EXT1: variants seen among roughly 807,000 people sequenced by gnomAD.
The protein encoded by EXT1 is exostosin glycosyltransferase 1.
EXT1 carries 20 observed loss-of-function variants against 82.5 expected under a neutral mutation model. The ratio of observed to expected loss-of-function variants is 0.24; its 90% CI spans 0.17 to 0.35. The LOEUF (loss-of-function observed/expected upper bound fraction) is 0.35. EXT1 is among the 10% of genes least tolerant of loss of function. The pLI, the probability that EXT1 is intolerant of heterozygous loss-of-function variation, is 1.00. For synonymous variants in EXT1, 348 were observed against 350.8 expected, an observed-to-expected ratio of 0.99 and a Z score of 0.09; for missense variants, 757 against 936.5, an observed-to-expected ratio of 0.81 and a Z score of 2.50.
At position 117,858,791 on chromosome 8, in the gene EXT1, A is replaced by AGGCC. The variant is rs1554581729; in HGVS notation, c.963-21591_963-21590insGGCC. Among the ~76,000 whole-genome samples, 25 of 58,492 alleles carry AGGCC rather than the reference A, an allele frequency of 4.3e-4. 1 individual carries two copies. The highest frequency in any genetic ancestry group is 1.1e-3 in the South Asian group (2 of 1,810). 38.4% of individuals were successfully genotyped at this position (58,492 alleles called of 152,430 possible). On this transcript the variant is annotated intron_variant, in intron 1 of 10. Transcript: ENST00000378204. ...AAGGCAGGCAGGCAGGCAGGCAGGC[A>AGGCC]AGGCAAGGCAAGGCAAGGCAGGAAG...
rs563023552 is a variant in EXT1, at chr8:117,897,393, T to C, written c.963-60192A>G. ...GAGTGGAAGTGCCAAAGTGGGTTTA[T>C]CTTTACTGCAGGTCTCCTGTGTGCT... On this transcript the variant is annotated intron_variant, in intron 1 of 10. Coordinates refer to ENST00000378204, the MANE Select transcript of EXT1 (RefSeq NM_000127.3). 3.3e-5 allele frequency among the ~76,000 whole-genome samples: 5 copies of C among 152,260 alleles called. No homozygotes were observed. The South Asian group carries it at 1.0e-3, about 32-fold the overall frequency.
At chr8:117,965,777 A>T (rs938341986) in intron 1 of EXT1, among the ~76,000 whole-genome samples, 13 of 152,194 alleles carry the variant, frequency 8.5e-5, no homozygotes, top group African/African-American at 2.4e-4. Flanking sequence ...ATTAGAAAAA[A>T]TAATGAGTTT....
rs1021488216 is a variant in EXT1 at position 118,099,561 on chromosome 8, C to T, written c.962+10524G>A. Among the ~76,000 whole-genome samples the T allele has an allele frequency of 5.9e-5, 9 of 152,250 alleles. No homozygotes were observed. In the East Asian group the frequency reaches 7.7e-4, roughly 13 times the overall value. The stretch of plus-strand genomic sequence containing the variant: ...CAGTTCCAGCTGTTCAAAAGCAGTA[C>T]GGTGCTGTGGTTAAGGACACAGGTT... On this transcript the variant is annotated intron_variant, in intron 1 of 10. Transcript: ENST00000378204.
intron 1 of EXT1, among the ~76,000 whole-genome samples, chr8:118,025,377 C>T (rs775687125): frequency 6.6e-6 from 1 of 151,994 alleles, no homozygotes. Flanking sequence ...AGAATGTTGG[C>T]TCATGGAATA....
intron 1 of EXT1, among the ~76,000 whole-genome samples, chr8:118,070,165 T>C (rs1211455114): frequency 5.3e-5 from 8 of 152,178 alleles, no homozygotes; most frequent in East Asian, 1.9e-4. Flanking sequence ...TTTTTGAAAA[T>C]TGTTATTTCA....
intron 1 of EXT1, among the ~76,000 whole-genome samples, chr8:118,092,899 G>T (rs988652991): frequency 6.6e-6 from 1 of 152,170 alleles, no homozygotes. Flanking sequence ...TCAAATGACA[G>T]TTCTTACACC....
chr8:118,086,918 C>G (rs1027902526), intron 1 of EXT1, among the ~76,000 whole-genome samples: 1 of 152,096 alleles, frequency 6.6e-6, no homozygotes, highest in African/African-American at 2.4e-5. Flanking sequence ...AGTAAAACCC[C>G]GTGTTTTGAT....
chr8:117,876,995 G>A (rs561039094), intron 1 of EXT1, among the ~76,000 whole-genome samples: 14 of 152,232 alleles, frequency 9.2e-5, no homozygotes, highest in African/African-American at 2.6e-4. Context: ...CCAGGAACCC[G>A]TTTTTCTAAC....
intron 1 of EXT1, among the ~76,000 whole-genome samples, chr8:117,939,631 C>T (rs1814236217): frequency 6.6e-6 from 1 of 150,962 alleles, no homozygotes. Flanking sequence ...AATTAAATTA[C>T]TTGCCTAAAG....
intron 1 of EXT1, among the ~76,000 whole-genome samples, chr8:118,002,510 A>T (rs1815690559): frequency 1.3e-5 from 2 of 150,436 alleles, no homozygotes; most frequent in South Asian, 4.2e-4. Context: ...CACTATGGAA[A>T]ACAGTGTGAA....
At chr8:117,976,627 A>G (rs924140504) in intron 1 of EXT1, among the ~76,000 whole-genome samples, 1 of 152,244 alleles carries the variant, frequency 6.6e-6, no homozygotes, top group Non-Finnish European at 1.5e-5. Flanking sequence ...GAAATATTCT[A>G]TATTTTGAAT....
chr8:118,046,371 C>G (rs1048870043), intron 1 of EXT1, among the ~76,000 whole-genome samples: 8 of 152,196 alleles, frequency 5.3e-5, no homozygotes, highest in African/African-American at 1.9e-4. Context: ...CTCACCAGGA[C>G]TGACCCTCAC....
chr8:118,041,756 G>C (rs1816535601), intron 1 of EXT1, among the ~76,000 whole-genome samples: 1 of 151,738 alleles, frequency 6.6e-6, no homozygotes, highest in African/African-American at 2.4e-5. Flanking sequence ...AGACCAGCCT[G>C]GCCAACATGG....
At chr8:117,873,448 T>TG (rs200436659) in intron 1 of EXT1, among the ~76,000 whole-genome samples, 5,516 of 53,354 alleles carry the variant, frequency 0.1, 623 homozygotes, top group African/African-American at 0.25. Context: ...GTCCTGTGAC[T>TG]TTTTTTTTTT....
rs1290413518 is a variant in EXT1 at position 117,835,345 on chromosome 8, C to A, written c.1164+99G>T. Reference sequence around the variant, plus strand: ...AGGTAATTTTCTCCTGATAAGATTTCTTTTATAGAGCTGACCTTTTGGATT... The same window carrying A: ...AGGTAATTTTCTCCTGATAAGATTTATTTTATAGAGCTGACCTTTTGGATT... On this transcript the variant is annotated intron_variant, in intron 3 of 10. Coordinates refer to ENST00000378204, the MANE Select transcript of EXT1 (RefSeq NM_000127.3). The A allele has an allele frequency of 3.5e-6, 3 of 869,474 alleles. No homozygotes were observed. The African/African-American group carries it at 5.0e-5, about 14-fold the overall frequency. The allele number at this position is 869,474 out of a possible 1,614,324, so 53.9% of individuals were successfully genotyped here.
At chr8:117,875,904 C>T (rs982282541) in intron 1 of EXT1, among the ~76,000 whole-genome samples, 3 of 152,122 alleles carry the variant, frequency 2.0e-5, no homozygotes, top group African/African-American at 4.8e-5. Flanking sequence ...TAAATTCAAA[C>T]CCTCCAGGCA....
At chr8:117,820,109 A>C (rs1811898689) in intron 5 of EXT1, among the ~76,000 whole-genome samples, 1 of 152,192 alleles carries the variant, frequency 6.6e-6, no homozygotes, top group African/African-American at 2.4e-5. Context: ...AAATACACAC[A>C]ACACTCACCA....
chr8:117,857,311 T>C (rs17474895), intron 1 of EXT1, among the ~76,000 whole-genome samples: 2,934 of 152,230 alleles, frequency 0.019, 98 homozygotes, highest in African/African-American at 0.068. Context: ...ATCCTGGCAA[T>C]TTGAGAGGCC....
chr8:117,851,392 G>C (rs1812450729), intron 1 of EXT1, among the ~76,000 whole-genome samples: 1 of 143,508 alleles, frequency 7.0e-6, no homozygotes, highest in Non-Finnish European at 1.6e-5. Flanking sequence ...AAAAAAAAAA[G>C]TGAGGTTTCA....
Sources: gnomAD v4.1 joint callset for allele counts (sites outside exome capture counted in the v4.1 genomes callset) on GRCh38, gnomAD v4.1.1 for gene constraint, MANE v1.5 for transcripts, NCBI Gene and HGNC (gene_info 2026-07-23, HGNC 2026-07-21) for gene names.